COL20A1: variants seen among roughly 807,000 people sequenced by gnomAD.
The protein encoded by COL20A1 is collagen type XX alpha 1 chain.
A neutral mutation model predicts 152.9 loss-of-function variants in COL20A1; 164 were observed. The ratio of observed to expected loss-of-function variants is 1.07; its 90% confidence interval spans 0.94 to 1.22. COL20A1 has a LOEUF of 1.22. Ranked by LOEUF, COL20A1 falls within the 50% of genes most tolerant of loss-of-function variation. COL20A1 has a pLI of 0.00. For missense variants in COL20A1, 1,873 were observed against 1,744.8 expected (o/e 1.07, Z -1.31); for synonymous variants, 864 against 756.0 (o/e 1.14, Z -2.34).
At chr20:63,312,660 G>A (rs1014674983) in intron 15 of COL20A1, 111 bp downstream of exon 15, 3 of 1,460,026 alleles carry the variant, frequency 2.1e-6, no homozygotes, top group Admixed American at 2.1e-5. Context: ...TCAGTGCTGA[G>A]CCAGGTGGGG....
At chr20:63,318,548 C>T (rs552667141) in intron 21 of COL20A1, among the ~76,000 whole-genome samples, 3 of 152,232 alleles carry the variant, frequency 2.0e-5, no homozygotes, top group East Asian at 1.9e-4. Flanking sequence ...GAGTGTGAGT[C>T]GGGGGAGCTG....
At chr20:63,295,671 G>T (rs1340577043) in intron 2 of COL20A1, among the ~76,000 whole-genome samples, 2 of 152,210 alleles carry the variant, frequency 1.3e-5, no homozygotes, top group African/African-American at 4.8e-5. Context: ...CTCCAGTCTG[G>T]CTGCTACTGG....
At chr20:63,322,035 T>C (rs2068172093) in intron 26 of COL20A1, 23 bp from the exon 27 acceptor site, 2 of 1,510,690 alleles carry the variant, frequency 1.3e-6, no homozygotes, top group East Asian at 5.3e-5. Flanking sequence ...TCTGGGGGCT[T>C]AGCCCTGTTT....
intron 1 of COL20A1, among the ~76,000 whole-genome samples, chr20:63,294,561 G>A (rs1452958414): frequency 6.6e-6 from 1 of 151,972 alleles, no homozygotes; most frequent in Non-Finnish European, 1.5e-5. Context: ...CCCGGCTGGC[G>A]TCCCCCAGAC....
chr20:63,312,717 G>A, intron 15 of COL20A1, 75 bp from the exon 16 acceptor site: 1 of 1,476,956 alleles, frequency 6.8e-7, no homozygotes, highest in East Asian at 2.4e-5. Flanking sequence ...GGGTGCTCCT[G>A]GGTGTGGCTG....
intron 3 of COL20A1, among the ~76,000 whole-genome samples, chr20:63,301,911 T>A (rs1473580666): frequency 6.6e-6 from 1 of 152,254 alleles, no homozygotes; most frequent in Non-Finnish European, 1.5e-5. Flanking sequence ...AATGATACAT[T>A]TGAGTTTATA....
intron 11 of COL20A1, among the ~76,000 whole-genome samples, chr20:63,310,715 A>T (rs1407313869): frequency 6.6e-6 from 1 of 152,040 alleles, no homozygotes; most frequent in Non-Finnish European, 1.5e-5. Context: ...AACACCAGCT[A>T]TACCGTTGGT....
intron 31 of COL20A1, 39 bp downstream of exon 31, chr20:63,326,862 G>A (rs2068257683): frequency 1.4e-6 from 2 of 1,427,930 alleles, no homozygotes; most frequent in African/African-American, 1.5e-5. Context: ...AACCAAAGGT[G>A]GGGGAGCGAA....
Position 63,332,055 on chromosome 20 carries a change from C to T in COL20A1, c.*1339C>T, listed in dbSNP as rs2068340149. 6.6e-6 allele frequency: 1 copy of T among 152,532 alleles called. No individual in the cohort carries two copies. Among genetic ancestry groups the T allele is most frequent in the Admixed American group, 6.5e-5 (1 of 15,270 alleles). The allele number at this position is 152,532 out of a possible 1,614,324, so 9.4% of individuals were successfully genotyped here. On this transcript the variant is annotated 3_prime_UTR_variant, in exon 36 of 36. Coordinates refer to ENST00000358894, the MANE Select transcript of COL20A1 (RefSeq NM_020882.4). ...GCCCTGACTGAGGCCAGGAAGCAGC[C>T]CCAAATGCCAGCTCCCACTGCAGCA... is the stretch of plus-strand genomic sequence containing the variant.
At position 63,312,947 on chromosome 20, in the gene COL20A1, G is replaced by A. The variant is rs751600724; in HGVS notation, c.2076+13G>A. 1.2e-5 allele frequency: 19 copies of A among 1,539,062 alleles called. No homozygotes were observed. The highest frequency in any genetic ancestry group is 1.6e-5 in the Non-Finnish European group (18 of 1,137,882). ...GAAGGCTCACGAGGTGGGCAGGGGT[G>A]GGTTTGTCCTTCCGAGGGGCCCCCC... On this transcript the variant is annotated intron_variant, in intron 16 of 35. Transcript: ENST00000358894.
chr20:63,302,352 A>C (rs1211374467), intron 3 of COL20A1, among the ~76,000 whole-genome samples: 1 of 152,024 alleles, frequency 6.6e-6, no homozygotes, highest in Admixed American at 6.6e-5. Flanking sequence ...ATGGAATCTC[A>C]CTCTGTCACT....
intron 30 of COL20A1, 78 bp from the exon 31 acceptor site, chr20:63,326,674 A>C: frequency 9.8e-7 from 1 of 1,016,812 alleles, no homozygotes. Context: ...GGCCCCTGGG[A>C]CATCTGGGAA....
At chr20:63,312,666 T>G (rs2068025488) in intron 15 of COL20A1, 117 bp downstream of exon 15, 1 of 1,457,350 alleles carries the variant, frequency 6.9e-7, no homozygotes, top group Non-Finnish European at 9.2e-7. Flanking sequence ...CTGAGCCAGG[T>G]GGGGATGGGC....
rs373307597 is a variant in COL20A1 at position 63,313,716 on chromosome 20, C to T, written c.2210-27C>T. ...TGCCTCCTTTCTGGAGGGGCCTGAG[C>T]CCCACACAACCCATGCTCTCGGCCA... On this transcript the variant is annotated intron_variant, in intron 17 of 35. Coordinates refer to ENST00000358894, the MANE Select transcript of COL20A1 (RefSeq NM_020882.4). This position sits in a 1 kb window ranked among gnomAD's most constrained non-coding sequence, Gnocchi z 5.9. 1.8e-3 allele frequency: 2,729 copies of T among 1,546,894 alleles called. 5 individuals are homozygous for T. The highest frequency in any genetic ancestry group is 2.2e-3 in the Non-Finnish European group (2,542 of 1,150,466).
chr20:63,306,193 C>T lies in COL20A1; in HGVS notation c.496+154C>T, dbSNP rs1032587546. On this transcript the variant is annotated intron_variant, in intron 5 of 35. Coordinates refer to ENST00000358894, the MANE Select transcript of COL20A1 (RefSeq NM_020882.4). The surrounding 1 kb of genome is among the most constrained non-coding windows in gnomAD (Gnocchi z 6.9). ...AAGTTCTTCCTCGTGTCTGACCACA[C>T]GGTCTCTGACCACGAGGCCGGGAAG... 14 of 588,504 alleles carry T rather than the reference C, an allele frequency of 2.4e-5. No individual in the cohort carries two copies. Among genetic ancestry groups the T allele is most frequent in the African/African-American group, 2.1e-4 (11 of 51,996 alleles). 36.5% of individuals were successfully genotyped at this position (588,504 alleles called of 1,614,324 possible). A position where few individuals can be genotyped will look rare whatever the true frequency, so the allele number is the denominator to read the frequency against.
chr20:63,308,765 G>A (rs940399648), intron 8 of COL20A1, 59 bp downstream of exon 8: 14 of 1,423,268 alleles, frequency 9.8e-6, no homozygotes, highest in African/African-American at 2.9e-5. Context: ...GTTTAGGGTC[G>A]CAGCAGGGAG....
chr20:63,299,004 C>A (rs1293646063), intron 3 of COL20A1, among the ~76,000 whole-genome samples: 1 of 152,244 alleles, frequency 6.6e-6, no homozygotes, highest in African/African-American at 2.4e-5. Context: ...TGTTTCAGAA[C>A]ATTCTCTAAG....
In COL20A1 at chr20:63,305,574, C is replaced by CT. The variant is rs1038945688; in HGVS notation, c.337+15dup. 17 of 1,581,456 alleles carry CT rather than the reference C, an allele frequency of 1.1e-5. No individual in the cohort carries two copies. In the African/African-American group the frequency reaches 1.2e-4, roughly 11 times the overall value. On this transcript the variant is annotated intron_variant, in intron 4 of 35. Coordinates refer to ENST00000358894, the MANE Select transcript of COL20A1 (RefSeq NM_020882.4). The surrounding 1 kb of genome is among the most constrained non-coding windows in gnomAD (Gnocchi z 4.9). The stretch of plus-strand genomic sequence containing the variant: ...GGGAGTTTGTGAGTAAGTCCACCGT[C>CT]TGCCAGCTGGGTACCCACTCCTCCA...
intron 34 of COL20A1, among the ~76,000 whole-genome samples, chr20:63,328,961 G>A (rs1194492007): frequency 6.6e-6 from 1 of 152,176 alleles, no homozygotes; most frequent in Non-Finnish European, 1.5e-5. Flanking sequence ...AGGCAGCAGC[G>A]GTGGGTCATG....
Sources: allele counts gnomAD v4.1 joint callset (sites outside exome capture counted in the v4.1 genomes callset), GRCh38; gene constraint gnomAD v4.1.1; non-coding constraint Gnocchi (gnomAD v3.1); transcripts MANE v1.5; gene names NCBI Gene and HGNC (gene_info 2026-07-23, HGNC 2026-07-21).